The following MDGA2 variants were observed in gnomAD, a reference collection of about 807,000 sequenced individuals.
MDGA2 encodes MAM domain containing glycosylphosphatidylinositol anchor 2.
In MDGA2, 40 loss-of-function variants were observed where a neutral mutation model predicts 117.8. The ratio of observed to expected loss-of-function variants is 0.34; its 90% CI spans 0.26 to 0.44. MDGA2 has a LOEUF of 0.44. MDGA2 is among the 20% of genes least tolerant of loss of function. MDGA2 has a pLI of 1.00. For synonymous variants in MDGA2, 452 were observed against 439.0 expected, an observed-to-expected ratio of 1.03 and a Z score of -0.37; for missense variants, 1,123 against 1,250.6, an observed-to-expected ratio of 0.90 and a Z score of 1.54.
At chr14:46,952,186 A>T (rs1167305318) in intron 9 of MDGA2, among the ~76,000 whole-genome samples, 1 of 151,954 alleles carries the variant, frequency 6.6e-6, no homozygotes, top group African/African-American at 2.4e-5. Context: ...TATACCCACA[A>T]CATTAATTGA....
chr14:46,969,155 G>T lies in MDGA2; in HGVS notation c.1820-11512C>A, dbSNP rs1435061298. Among the ~76,000 whole-genome samples the T allele has an allele frequency of 2.0e-5, 3 of 152,216 alleles. No individual in the cohort carries two copies. The East Asian group carries it at 5.8e-4, about 29-fold the overall frequency. On this transcript the variant is annotated intron_variant, in intron 8 of 16. Transcript: ENST00000399232. ...TTCTTAATCCAGTCTATCATTGTTG[G>T]ACATTTGGGTTGGTTCCAAGTCTTT...
intron 6 of MDGA2, among the ~76,000 whole-genome samples, chr14:47,081,201 T>A (rs1454234619): frequency 6.6e-6 from 1 of 152,054 alleles, no homozygotes; most frequent in Non-Finnish European, 1.5e-5. Flanking sequence ...AAACAACTCT[T>A]TCTCAATTAA....
chr14:47,046,234 A>G (rs890987416), intron 7 of MDGA2, among the ~76,000 whole-genome samples: 1 of 152,164 alleles, frequency 6.6e-6, no homozygotes, highest in Non-Finnish European at 1.5e-5. Flanking sequence ...ATATTCATTT[A>G]CTAAGAAATG....
rs768458576 is a variant in MDGA2, at chr14:46,884,325, C to A, written c.2239-2104G>T. The stretch of plus-strand genomic sequence containing the variant: ...GGCAAAAGTAGTTTGGGCAGAAATT[C>A]TGTTACTTTTGAATGCCATTTTCCC... On this transcript the variant is annotated intron_variant, in intron 10 of 16. Transcript: ENST00000399232. This position sits in a 1 kb window ranked among gnomAD's most constrained non-coding sequence, Gnocchi z 4.1. Among the ~76,000 whole-genome samples, 8 of 152,172 alleles carry A rather than the reference C, an allele frequency of 5.3e-5. No individual in the cohort carries two copies. In the South Asian group the frequency reaches 1.5e-3, roughly 28 times the overall value.
At chr14:46,911,584 C>T (rs964436965) in intron 10 of MDGA2, among the ~76,000 whole-genome samples, 10 of 152,050 alleles carry the variant, frequency 6.6e-5, no homozygotes, top group Non-Finnish European at 1.3e-4. Flanking sequence ...AACTAATAGT[C>T]ATTTATCATT....
rs542150266 is a variant in MDGA2 at position 47,180,063 on chromosome 14, A to G, written c.596-35789T>C. Among the ~76,000 whole-genome samples, 135 of 152,230 alleles carry G rather than the reference A, an allele frequency of 8.9e-4. 1 individual carries two copies. The highest frequency in any genetic ancestry group is 3.2e-3 in the African/African-American group (132 of 41,534). On this transcript the variant is annotated intron_variant, in intron 3 of 16. Transcript: ENST00000399232. ...TTTTATTTTGAGTTCAGGAGTAAAG[A>G]TGCAGGTTTGTCACATAGGTAAAAT...
intron 1 of MDGA2, among the ~76,000 whole-genome samples, chr14:47,364,528 T>C (rs1891191287): frequency 6.6e-6 from 1 of 152,174 alleles, no homozygotes; most frequent in South Asian, 2.1e-4. Flanking sequence ...CCTCCCAACG[T>C]GCTGGGATTA....
At chr14:47,557,358 GGT>G (rs1895704223) in intron 1 of MDGA2, among the ~76,000 whole-genome samples, 1 of 152,080 alleles carries the variant, frequency 6.6e-6, no homozygotes, top group Admixed American at 6.5e-5. Context: ...GTCAGAAATT[GGT>G]GTGTCATTTT....
intron 5 of MDGA2, among the ~76,000 whole-genome samples, chr14:47,122,419 G>A (rs1279888784): frequency 6.6e-6 from 1 of 151,946 alleles, no homozygotes; most frequent in Non-Finnish European, 1.5e-5. Context: ...TGTTTTGGGG[G>A]GACTATTGGG....
At chr14:46,979,961 T>C (rs1338861776) in intron 8 of MDGA2, among the ~76,000 whole-genome samples, 1 of 152,182 alleles carries the variant, frequency 6.6e-6, no homozygotes, top group African/African-American at 2.4e-5. Flanking sequence ...TTTAAACCTT[T>C]CATAGCTAAA....
intron 14 of MDGA2, among the ~76,000 whole-genome samples, chr14:46,857,527 C>CCTTTGT (rs113927639): frequency 0.99 from 151,195 of 152,124 alleles, 75,137 homozygotes; most frequent in Middle Eastern, 1. Flanking sequence ...AGAGAATTTC[C>CCTTTGT]CTTTGGTTTG....
At chr14:47,563,586 T>G (rs1299778322) in intron 1 of MDGA2, among the ~76,000 whole-genome samples, 10 of 77,914 alleles carry the variant, frequency 1.3e-4, no homozygotes, top group Non-Finnish European at 2.3e-4. Flanking sequence ...CTGTTTTTTT[T>G]TTTTTTTTTT....
At chr14:47,037,930 T>C (rs1475131057) in intron 7 of MDGA2, among the ~76,000 whole-genome samples, 1 of 152,180 alleles carries the variant, frequency 6.6e-6, no homozygotes, top group African/African-American at 2.4e-5. Flanking sequence ...TTTTACCTTT[T>C]GTTGATGTTG....
intron 10 of MDGA2, among the ~76,000 whole-genome samples, chr14:46,904,039 C>G (rs985544942): frequency 6.6e-6 from 1 of 151,938 alleles, no homozygotes; most frequent in African/African-American, 2.4e-5. Context: ...TCAGTGTATC[C>G]ATTTGTTACT....
intron 1 of MDGA2, among the ~76,000 whole-genome samples, chr14:47,317,163 A>G (rs887393038): frequency 6.6e-6 from 1 of 152,104 alleles, no homozygotes; most frequent in Non-Finnish European, 1.5e-5. Flanking sequence ...AGTAACAATG[A>G]AATACAAATA....
At chr14:47,296,421 C>T (rs79339708) in intron 2 of MDGA2, among the ~76,000 whole-genome samples, 4,172 of 152,204 alleles carry the variant, frequency 0.027, 142 homozygotes, top group East Asian at 0.18. Context: ...AATTTATTTA[C>T]GTAGTATATT....
intron 5 of MDGA2, among the ~76,000 whole-genome samples, chr14:47,106,996 C>G (rs944271188): frequency 8.5e-6 from 1 of 117,658 alleles, no homozygotes; most frequent in Non-Finnish European, 1.8e-5. Context: ...TCCTGGACTA[C>G]AGCTATATCT....
At chr14:47,028,934 C>G (rs1406045767) in intron 8 of MDGA2, among the ~76,000 whole-genome samples, 1 of 152,056 alleles carries the variant, frequency 6.6e-6, no homozygotes, top group Non-Finnish European at 1.5e-5. Flanking sequence ...CCTCTTTTAT[C>G]AATAATTACC....
At chr14:47,559,809 G>T (rs1255369025) in intron 1 of MDGA2, among the ~76,000 whole-genome samples, 1 of 152,032 alleles carries the variant, frequency 6.6e-6, no homozygotes, top group Non-Finnish European at 1.5e-5. Context: ...CTGACCTCAG[G>T]TGATCCACCC....
Sources: gnomAD v4.1 joint callset for allele counts (sites outside exome capture counted in the v4.1 genomes callset) on GRCh38, gnomAD v4.1.1 for gene constraint, Gnocchi (gnomAD v3.1) non-coding constraint, MANE v1.5 for transcripts, NCBI Gene and HGNC (gene_info 2026-07-23, HGNC 2026-07-21) for gene names.